ASTN2: variants seen among roughly 807,000 people sequenced by gnomAD.
ASTN2 encodes astrotactin 2, also known as astrotactin-2.
Under a neutral mutation model 139.8 loss-of-function variants are expected in ASTN2, and 54 were observed. The ratio of observed to expected loss-of-function variants is 0.39; its 90% CI spans 0.31 to 0.48. The LOEUF is 0.48. ASTN2 is among the 20% of genes least tolerant of loss of function. The probability of loss-of-function intolerance (pLI) is 0.95; values close to 1 mark genes in which losing one functional copy is unlikely to be tolerated. For synonymous variants in ASTN2, 756 were observed against 719.5 expected, an observed-to-expected ratio of 1.05 and a Z score of -0.81; for missense variants, 1,565 against 1,725.1, an observed-to-expected ratio of 0.91 and a Z score of 1.64.
intron 3 of ASTN2, among the ~76,000 whole-genome samples, chr9:117,211,879 T>G (rs1292785004): frequency 6.6e-6 from 1 of 151,884 alleles, no homozygotes; most frequent in Non-Finnish European, 1.5e-5. Context: ...AAGAAAAATA[T>G]AAAACATTGA....
rs765835547 is a variant in ASTN2 at position 116,863,700 on chromosome 9, G to A, written c.1923C>T (p.Thr641=). The A allele has an allele frequency of 5.6e-6, 9 of 1,613,960 alleles. No individual in the cohort carries two copies. The highest frequency in any genetic ancestry group is 1.3e-5 in the African/African-American group (1 of 74,900). The change falls in exon 11 of 23, where the codon ACC becomes ACT. Residue 641 remains threonine, a synonymous_variant. Coordinates refer to ENST00000313400, the MANE Select transcript of ASTN2 (RefSeq NM_001365068.1). ...EEAMLSTYFE[T]INDLLSSFGP... is the part of the protein sequence containing the mutation. Reference sequence around the variant, plus strand: ...CGAAGGAAGACAGCAGGTCATTGATGGTTTCAAAGTATGTGGACAGCATCG... The same window carrying A: ...CGAAGGAAGACAGCAGGTCATTGATAGTTTCAAAGTATGTGGACAGCATCG...
At chr9:116,804,123 C>A in intron 13 of ASTN2, among the ~76,000 whole-genome samples, 1 of 152,222 alleles carries the variant, frequency 6.6e-6, no homozygotes, top group Middle Eastern at 3.4e-3. Context: ...AGAGGAGATT[C>A]TCAAAGAGTA....
chr9:117,361,976 G>C (rs77416628), intron 1 of ASTN2, among the ~76,000 whole-genome samples: 1 of 96,746 alleles, frequency 1.0e-5, no homozygotes, highest in African/African-American at 2.8e-5. Flanking sequence ...TTGTTTGTTT[G>C]TTTTGTTTTG....
At chr9:117,064,903 G>T (rs1335651983) in intron 5 of ASTN2, among the ~76,000 whole-genome samples, 1 of 151,922 alleles carries the variant, frequency 6.6e-6, no homozygotes. Context: ...GCTTGTGGTG[G>T]GTTGAATTGT....
At chr9:116,817,500 G>A (rs1459321918) in intron 12 of ASTN2, among the ~76,000 whole-genome samples, 1 of 152,066 alleles carries the variant, frequency 6.6e-6, no homozygotes, top group Non-Finnish European at 1.5e-5. Context: ...GGAGACAGAG[G>A]GAACAGTGTT....
chr9:117,032,544 C>T (rs1345910632), intron 6 of ASTN2, among the ~76,000 whole-genome samples: 1 of 152,160 alleles, frequency 6.6e-6, no homozygotes, highest in Non-Finnish European at 1.5e-5. Context: ...TAAGGATCCA[C>T]TTACAATGTG....
intron 11 of ASTN2, among the ~76,000 whole-genome samples, chr9:116,831,811 G>C (rs1034959687): frequency 6.6e-6 from 1 of 152,048 alleles, no homozygotes; most frequent in Non-Finnish European, 1.5e-5. Flanking sequence ...AAATCATGCC[G>C]AGGTTTTGAT....
chr9:116,601,834 G>A (rs1005042469), intron 19 of ASTN2, among the ~76,000 whole-genome samples: 7 of 152,148 alleles, frequency 4.6e-5, no homozygotes, highest in East Asian at 1.9e-4. Flanking sequence ...AGGGGGTTCC[G>A]AAGAATGAGG....
rs547436556 is a variant in ASTN2, at chr9:116,547,987, C to T, written c.3356-60487G>A. On this transcript the variant is annotated intron_variant, in intron 19 of 22. Coordinates refer to ENST00000313400, the MANE Select transcript of ASTN2 (RefSeq NM_001365068.1). ...CCCCACACACCCTGCCCACCTGTCT[C>T]CACTCCTTGCCTCTGGCAGCCCCAC... 6.6e-5 allele frequency among the ~76,000 whole-genome samples: 10 copies of T among 152,318 alleles called. No homozygotes were observed. The East Asian group carries it at 1.7e-3, about 27-fold the overall frequency.
chr9:117,020,141 G>C (rs1837834575), intron 6 of ASTN2, among the ~76,000 whole-genome samples: 1 of 151,954 alleles, frequency 6.6e-6, no homozygotes, highest in East Asian at 2.0e-4. Flanking sequence ...GAATAGGAAA[G>C]AGGGTATATT....
intron 2 of ASTN2, among the ~76,000 whole-genome samples, chr9:117,232,993 A>G (rs1379347651): frequency 6.6e-6 from 1 of 151,530 alleles, no homozygotes. Context: ...TTCTGGCATT[A>G]TCTACTTCCT....
At chr9:116,787,220 G>C (rs1009109363) in intron 13 of ASTN2, among the ~76,000 whole-genome samples, 11 of 152,298 alleles carry the variant, frequency 7.2e-5, no homozygotes, top group Admixed American at 3.9e-4. Flanking sequence ...ATGCTCTTAA[G>C]CTTCCCATCA....
intron 16 of ASTN2, among the ~76,000 whole-genome samples, chr9:116,685,011 G>A (rs1860112685): frequency 6.6e-6 from 1 of 152,132 alleles, no homozygotes. Context: ...CCTTGCCTGG[G>A]TACTAGATTG....
intron 10 of ASTN2, among the ~76,000 whole-genome samples, chr9:116,973,809 T>C (rs1031281755): frequency 4.6e-5 from 7 of 152,200 alleles, no homozygotes; most frequent in Non-Finnish European, 8.8e-5. Flanking sequence ...GTAATCACTA[T>C]TTCATATCCT....
chr9:116,719,160 T>C (rs1190611333), intron 16 of ASTN2, among the ~76,000 whole-genome samples: 4 of 151,230 alleles, frequency 2.6e-5, no homozygotes, highest in African/African-American at 9.7e-5. Context: ...AGACAAGCTA[T>C]GATGGTGACT....
intron 4 of ASTN2, among the ~76,000 whole-genome samples, chr9:117,133,119 A>G (rs963986651): frequency 2.0e-5 from 3 of 152,180 alleles, no homozygotes; most frequent in African/African-American, 7.2e-5. Context: ...GTACAACAAT[A>G]TTTTTCAATT....
At chr9:116,655,916 C>G (rs551995426) in intron 16 of ASTN2, among the ~76,000 whole-genome samples, 64 of 151,914 alleles carry the variant, frequency 4.2e-4, no homozygotes, top group Non-Finnish European at 7.8e-4. Context: ...TTGGTAGAGA[C>G]AGCGTTTCAC....
At chr9:116,863,877 A>T in intron 10 of ASTN2, 144 bp from the exon 11 acceptor site, 1 of 939,596 alleles carries the variant, frequency 1.1e-6, no homozygotes, top group Non-Finnish European at 1.5e-6. Context: ...AAAAGGAAAC[A>T]ACAACAGGTA....
At chr9:116,769,004 T>C (rs1829887446) in intron 13 of ASTN2, among the ~76,000 whole-genome samples, 1 of 152,184 alleles carries the variant, frequency 6.6e-6, no homozygotes, top group South Asian at 2.1e-4. Context: ...ACCAGTTGGA[T>C]ATACCTTACT....
Sources: allele counts gnomAD v4.1 joint callset (sites outside exome capture counted in the v4.1 genomes callset), GRCh38; gene constraint gnomAD v4.1.1; transcripts MANE v1.5; gene names NCBI Gene and HGNC (gene_info 2026-07-23, HGNC 2026-07-21).